Variants in CTNNA3 observed in about 807,000 individuals in gnomAD.
The protein encoded by CTNNA3 is catenin alpha-3.
In CTNNA3, 76 loss-of-function variants were observed where a neutral mutation model predicts 95.7. The ratio of observed to expected loss-of-function variants is 0.79; its 90% CI spans 0.66 to 0.96. CTNNA3 has a LOEUF of 0.96. Ranked by LOEUF, CTNNA3 falls within the 40% of genes least tolerant of loss-of-function variation. The pLI, the probability that CTNNA3 is intolerant of heterozygous loss-of-function variation, is 0.00. For missense variants in CTNNA3, 1,191 were observed against 1,089.8 expected (o/e 1.09, Z -1.31); for synonymous variants, 431 against 374.4 (o/e 1.15, Z -1.74).
intron 3 of CTNNA3, among the ~76,000 whole-genome samples, chr10:67,552,384 G>A (rs1841064787): frequency 2.0e-5 from 3 of 151,942 alleles, no homozygotes; most frequent in Admixed American, 2.0e-4. Flanking sequence ...TTTAAGTTCA[G>A]GGGTACATGT....
intron 5 of CTNNA3, among the ~76,000 whole-genome samples, chr10:67,266,517 A>G (rs1866832499): frequency 6.6e-6 from 1 of 152,160 alleles, no homozygotes; most frequent in African/African-American, 2.4e-5. Context: ...CTAGAATATG[A>G]TATAATCTAG....
At chr10:67,269,837 AT>A (rs1838884998) in intron 5 of CTNNA3, among the ~76,000 whole-genome samples, 1 of 152,150 alleles carries the variant, frequency 6.6e-6, no homozygotes, top group African/African-American at 2.4e-5. Context: ...ACTACTCTAA[AT>A]AGGAATGCTA....
chr10:67,654,408 G>T (rs1227028511), intron 1 of CTNNA3, among the ~76,000 whole-genome samples: 1 of 152,030 alleles, frequency 6.6e-6, no homozygotes, highest in Non-Finnish European at 1.5e-5. Context: ...CAAGTGGTCA[G>T]ATTTGCTTCT....
chr10:66,359,893 C>T (rs1163558937), intron 12 of CTNNA3, among the ~76,000 whole-genome samples: 3 of 150,272 alleles, frequency 2.0e-5, no homozygotes, highest in African/African-American at 4.9e-5. Flanking sequence ...GTGGCTTGAT[C>T]TCTGCTCACT....
At chr10:67,036,244 C>T (rs1401140412) in intron 7 of CTNNA3, among the ~76,000 whole-genome samples, 2 of 151,702 alleles carry the variant, frequency 1.3e-5, no homozygotes, top group East Asian at 3.9e-4. Flanking sequence ...CCTCAACCTC[C>T]TGGGCTCAAG....
At chr10:66,576,484 C>A (rs901195617) in intron 10 of CTNNA3, among the ~76,000 whole-genome samples, 1 of 151,948 alleles carries the variant, frequency 6.6e-6, no homozygotes, top group East Asian at 1.9e-4. Context: ...CCCCCCACCA[C>A]CCTCCCCAAT....
At chr10:67,157,839 A>G (rs1397186686) in intron 7 of CTNNA3, among the ~76,000 whole-genome samples, 1 of 152,164 alleles carries the variant, frequency 6.6e-6, no homozygotes, top group Non-Finnish European at 1.5e-5. Context: ...TCTAGGTTCT[A>G]AAAGTCTCAA....
chr10:66,871,937 T>A (rs1297397243), intron 7 of CTNNA3, among the ~76,000 whole-genome samples: 2 of 152,220 alleles, frequency 1.3e-5, no homozygotes, highest in Admixed American at 1.3e-4. Context: ...TTCTGACCAA[T>A]AAATTTTGCA....
At chr10:66,548,276 A>G (rs1299666765) in intron 10 of CTNNA3, among the ~76,000 whole-genome samples, 1 of 152,136 alleles carries the variant, frequency 6.6e-6, no homozygotes, top group African/African-American at 2.4e-5. Context: ...CATTGCTTAT[A>G]TCTTTTTTCT....
intron 13 of CTNNA3, among the ~76,000 whole-genome samples, chr10:66,174,045 T>C (rs898985640): frequency 2.0e-5 from 3 of 152,176 alleles, no homozygotes; most frequent in African/African-American, 7.2e-5. Context: ...ATGCTTTCAA[T>C]ACATTACTTC....
chr10:66,648,516 T>C (rs1325871610), intron 9 of CTNNA3, among the ~76,000 whole-genome samples: 2 of 152,168 alleles, frequency 1.3e-5, no homozygotes, highest in African/African-American at 2.4e-5. Context: ...AATATGCGAA[T>C]CCTACCTAAA....
intron 5 of CTNNA3, among the ~76,000 whole-genome samples, chr10:67,455,433 C>T (rs1190437112): frequency 6.6e-6 from 1 of 152,206 alleles, no homozygotes; most frequent in Non-Finnish European, 1.5e-5. Flanking sequence ...TTAAATCTCC[C>T]CACCTTGAGT....
intron 11 of CTNNA3, among the ~76,000 whole-genome samples, chr10:66,485,170 A>G (rs1839682224): frequency 6.6e-6 from 1 of 152,154 alleles, no homozygotes; most frequent in African/African-American, 2.4e-5. Flanking sequence ...ATGATCAGGA[A>G]TAAGAAAAGT....
intron 9 of CTNNA3, among the ~76,000 whole-genome samples, chr10:66,750,928 T>C (rs1839107310): frequency 6.6e-6 from 1 of 152,218 alleles, no homozygotes; most frequent in Non-Finnish European, 1.5e-5. Flanking sequence ...TATACCTAAG[T>C]ATTTCATTTT....
chr10:66,120,046 G>A (rs933392890), intron 13 of CTNNA3, among the ~76,000 whole-genome samples: 5 of 152,100 alleles, frequency 3.3e-5, no homozygotes, highest in African/African-American at 4.8e-5. Context: ...TTTCATTCTC[G>A]TGTGAAACTA....
chr10:66,054,102 C>A (rs972834480), intron 15 of CTNNA3, among the ~76,000 whole-genome samples: 1 of 152,094 alleles, frequency 6.6e-6, no homozygotes, highest in Non-Finnish European at 1.5e-5. Context: ...TGTATATGTA[C>A]CACAATTTCT....
chr10:66,721,813 A>C (rs565682950), intron 9 of CTNNA3, among the ~76,000 whole-genome samples: 1 of 152,330 alleles, frequency 6.6e-6, no homozygotes, highest in African/African-American at 2.4e-5. Flanking sequence ...AGTAAGGTCA[A>C]GCACTGTGAT....
At chr10:67,140,346 A>G (rs550691042) in intron 7 of CTNNA3, among the ~76,000 whole-genome samples, 3 of 152,126 alleles carry the variant, frequency 2.0e-5, no homozygotes, top group African/African-American at 7.2e-5. Flanking sequence ...AATTGCCACT[A>G]TTTATGATTA....
At chr10:66,981,862 A>G (rs928267512) in intron 7 of CTNNA3, among the ~76,000 whole-genome samples, 1 of 152,226 alleles carries the variant, frequency 6.6e-6, no homozygotes, top group African/African-American at 2.4e-5. Context: ...GCAGTGTTCT[A>G]TAATTTTCCC....
Sources: allele counts gnomAD v4.1 joint callset (sites outside exome capture counted in the v4.1 genomes callset), GRCh38; gene constraint gnomAD v4.1.1; transcripts MANE v1.5; gene names NCBI Gene and HGNC (gene_info 2026-07-23, HGNC 2026-07-21).